Variants in NCKAP1L observed in about 807,000 individuals in gnomAD.
The protein encoded by NCKAP1L is nck-associated protein 1-like.
Under a neutral mutation model 139.2 loss-of-function variants are expected in NCKAP1L, and 53 were observed. That is an observed-to-expected ratio of 0.38 (90% CI 0.31 to 0.48). The LOEUF (loss-of-function observed/expected upper bound fraction) is 0.48. Among genes scored for constraint, NCKAP1L ranks in the 20% least tolerant of loss-of-function variants. The pLI is 0.98. For missense variants in NCKAP1L, 1,151 were observed against 1,381.9 expected, an observed-to-expected ratio of 0.83 and a Z score of 2.65; for synonymous variants, 468 against 499.7, an observed-to-expected ratio of 0.94 and a Z score of 0.85.
rs1442319021 is a variant in NCKAP1L, at chr12:54,535,429, A to AC, written c.2956+234dup. Among the ~76,000 whole-genome samples the AC allele has an allele frequency of 3.9e-5, 6 of 152,172 alleles. No individual in the cohort carries two copies. In the East Asian group the frequency reaches 9.6e-4, roughly 24 times the overall value. On this transcript the variant is annotated intron_variant, in intron 27 of 30. Transcript: ENST00000293373. ...TCCTCAGGTTCCAACTAGTTGATCT[A>AC]CCGGTCAGCTAAAAAGTACTAAGTG... is the stretch of plus-strand genomic sequence containing the variant.
rs1410357649 is a variant in NCKAP1L, at chr12:54,543,703, G to A, written c.*1018G>A. 6 of 152,154 alleles carry A rather than the reference G, an allele frequency of 3.9e-5. No homozygotes were observed. Among genetic ancestry groups the A allele is most frequent in the Non-Finnish European group, 8.8e-5 (6 of 68,042 alleles). 9.4% of individuals were successfully genotyped at this position (152,154 alleles called of 1,614,324 possible). ...CTGTTTCAACTTAGCCCTTTTCTGCGCTAATTAGAATTTCAAGCGTCACAG... is the reference window on the plus strand; with the variant it reads ...CTGTTTCAACTTAGCCCTTTTCTGCACTAATTAGAATTTCAAGCGTCACAG... On this transcript the variant is annotated 3_prime_UTR_variant, in exon 31 of 31. Coordinates refer to ENST00000293373, the MANE Select transcript of NCKAP1L (RefSeq NM_005337.5).
Position 54,521,246 on chromosome 12 carries a change from C to G in NCKAP1L, c.1878+8C>G. ...CGAAACCTGAGCGAGCAGGTAGACT[C>G]AGCCCTCTCTGTTTCACTCTCCCCT... is the stretch of plus-strand genomic sequence containing the variant. On this transcript the variant is annotated splice_region_variant and intron_variant, in intron 18 of 30. Coordinates refer to ENST00000293373, the MANE Select transcript of NCKAP1L (RefSeq NM_005337.5). The G allele has an allele frequency of 1.2e-6, 2 of 1,613,676 alleles. No individual in the cohort carries two copies. The highest frequency in any genetic ancestry group is 1.7e-6 in the Non-Finnish European group (2 of 1,179,714).
At chr12:54,500,387 G>A (rs1956788442) in intron 2 of NCKAP1L, 146 bp from the exon 3 acceptor site, 2 of 534,932 alleles carry the variant, frequency 3.7e-6, no homozygotes, top group Non-Finnish European at 6.8e-6. Context: ...GCCTCCCAAA[G>A]TGCTGGGATT....
chr12:54,506,365 G>T (rs1012885984), intron 3 of NCKAP1L, among the ~76,000 whole-genome samples: 17 of 151,774 alleles, frequency 1.1e-4, no homozygotes, highest in Non-Finnish European at 1.8e-4. Flanking sequence ...TTCCCTGATG[G>T]CTAATATCAT....
intron 30 of NCKAP1L, among the ~76,000 whole-genome samples, chr12:54,539,624 T>C (rs767817280): frequency 1.1e-4 from 16 of 152,208 alleles, no homozygotes; most frequent in Non-Finnish European, 2.2e-4. Flanking sequence ...TACTCACTCT[T>C]TTGCTCTGAT....
chr12:54,518,556 C>A, intron 13 of NCKAP1L, 95 bp from the exon 14 acceptor site: 1 of 979,088 alleles, frequency 1.0e-6, no homozygotes, highest in Non-Finnish European at 1.7e-6. Flanking sequence ...CTTAGCAATT[C>A]TTTCTACCTT....
At chr12:54,512,126 A>G (rs772156216) in intron 9 of NCKAP1L, 21 bp downstream of exon 9, 133 of 1,612,018 alleles carry the variant, frequency 8.3e-5, no homozygotes, top group Non-Finnish European at 8.5e-7. Context: ...CGAGAGCCAA[A>G]CTGATCTTCC....
rs892001615 is a variant in NCKAP1L at position 54,519,207 on chromosome 12, G to A, written c.1500G>A (p.Lys500=). 1 of 1,569,210 alleles carries A rather than the reference G, an allele frequency of 6.4e-7. No homozygotes were observed. Among genetic ancestry groups the A allele is most frequent in the Non-Finnish European group, 8.6e-7 (1 of 1,165,458 alleles). Residue 500 remains lysine (K), a synonymous_variant, in exon 16 of 31, where the codon AAG becomes AAA. Transcript: ENST00000293373. ...FRLQAYTSVA[K]APLHLHENPD... is the part of the protein sequence containing the mutation. ...CGCAGGCATACACTAGCGTGGCTAA[G>A]GCCCCTCTGCACCTGCATGAGAACC...
intron 20 of NCKAP1L, among the ~76,000 whole-genome samples, chr12:54,525,160 C>T (rs754848019): frequency 4.6e-5 from 7 of 152,078 alleles, no homozygotes; most frequent in African/African-American, 9.7e-5. Context: ...GTAAGGACTT[C>T]GGCTTTTATT....
At chr12:54,513,968 A>ATG (rs61519403) in intron 9 of NCKAP1L, among the ~76,000 whole-genome samples, 2,855 of 148,572 alleles carry the variant, frequency 0.019, 40 homozygotes, top group East Asian at 0.054. Flanking sequence ...CATCCTTCAG[A>ATG]TGTGTGTGTG....
chr12:54,538,237 C>T (rs1236656007), intron 29 of NCKAP1L, among the ~76,000 whole-genome samples: 6 of 152,192 alleles, frequency 3.9e-5, no homozygotes, highest in African/African-American at 1.4e-4. Flanking sequence ...TAAGCTGAGG[C>T]ACCCAACCAG....
chr12:54,504,225 C>T (rs144094728), intron 3 of NCKAP1L, among the ~76,000 whole-genome samples: 1 of 151,970 alleles, frequency 6.6e-6, no homozygotes, highest in Non-Finnish European at 1.5e-5. Context: ...AAATTTTAGC[C>T]CTCTGAGCAA....
rs1164244108 is a variant in NCKAP1L at position 54,498,854 on chromosome 12, G to T, written c.103-501G>T. On this transcript the variant is annotated intron_variant, in intron 1 of 30. Transcript: ENST00000293373. The stretch of plus-strand genomic sequence containing the variant: ...TGCCTAGGTTGTTATTTCGCTCTTA[G>T]ATACTTGGCTTAATGTCTTGGAATT... The T allele has an allele frequency of 4.1e-6, 4 of 981,266 alleles. No individual in the cohort carries two copies. In the African/African-American group the frequency reaches 5.2e-5, roughly 13 times the overall value. 60.8% of individuals were successfully genotyped at this position (981,266 alleles called of 1,614,324 possible). A position where few individuals can be genotyped will look rare whatever the true frequency, so the allele number is the denominator to read the frequency against.
chr12:54,498,653 C>T (rs1037928858), intron 1 of NCKAP1L: 8 of 309,042 alleles, frequency 2.6e-5, no homozygotes, highest in Non-Finnish European at 3.8e-5. Context: ...TGTAAATGCC[C>T]TTTGGGATAA....
chr12:54,500,662 T>A (rs1956790924), intron 3 of NCKAP1L, 37 bp downstream of exon 3: 1 of 1,279,930 alleles, frequency 7.8e-7, no homozygotes, highest in Non-Finnish European at 1.1e-6. Flanking sequence ...GTAGGCAAGG[T>A]CTTTCAGAGG....
At chr12:54,538,218 GTC>G (rs1389531971) in intron 29 of NCKAP1L, among the ~76,000 whole-genome samples, 1 of 152,194 alleles carries the variant, frequency 6.6e-6, no homozygotes, top group African/African-American at 2.4e-5. Flanking sequence ...TGGTTGGTGT[GTC>G]TCTATTTAAG....
At chr12:54,500,071 G>A (rs1005462361) in intron 2 of NCKAP1L, among the ~76,000 whole-genome samples, 21 of 151,638 alleles carry the variant, frequency 1.4e-4, no homozygotes, top group African/African-American at 5.1e-4. Flanking sequence ...GCACTGAAGC[G>A]TTTCTAACTT....
chr12:54,517,999 T>C, intron 13 of NCKAP1L, 61 bp downstream of exon 13: 1 of 1,581,252 alleles, frequency 6.3e-7, no homozygotes, highest in Non-Finnish European at 8.7e-7. Flanking sequence ...GATTTTCCTA[T>C]TGAAACCACT....
At chr12:54,516,873 C>A in intron 10 of NCKAP1L, 23 bp from the exon 11 acceptor site, 2 of 1,604,078 alleles carry the variant, frequency 1.2e-6, no homozygotes, top group South Asian at 2.2e-5. Flanking sequence ...AGGTGATAGT[C>A]ATGTTCCCCT....
Sources: allele counts gnomAD v4.1 joint callset (sites outside exome capture counted in the v4.1 genomes callset), GRCh38; gene constraint gnomAD v4.1.1; transcripts MANE v1.5; gene names NCBI Gene and HGNC (gene_info 2026-07-23, HGNC 2026-07-21).